RALGPS2: variants seen among roughly 807,000 people sequenced by gnomAD.
The protein encoded by RALGPS2 is Ral GEF with PH domain and SH3 binding motif 2, also known as ras-specific guanine nucleotide-releasing factor RalGPS2.
Under a neutral mutation model 86.8 loss-of-function variants are expected in RALGPS2, and 43 were observed. The ratio of observed to expected loss-of-function variants is 0.50; its 90% CI spans 0.39 to 0.64. The LOEUF is 0.64. Ranked by LOEUF, RALGPS2 falls within the 30% of genes least tolerant of loss-of-function variation. The pLI, the probability that RALGPS2 is intolerant of heterozygous loss-of-function variation, is 0.00. For missense variants in RALGPS2, 536 were observed against 694.6 expected (o/e 0.77, Z 2.57); for synonymous variants, 243 against 231.3 (o/e 1.05, Z -0.46).
At chr1:178,765,252 G>A (rs1049347453) in intron 1 of RALGPS2, among the ~76,000 whole-genome samples, 2 of 151,282 alleles carry the variant, frequency 1.3e-5, no homozygotes, top group Admixed American at 6.6e-5. Context: ...AATATTTCAC[G>A]TGGGTCCTTT....
At chr1:178,839,722 G>T (rs1370089619) in intron 8 of RALGPS2, among the ~76,000 whole-genome samples, 1 of 152,180 alleles carries the variant, frequency 6.6e-6, no homozygotes, top group Non-Finnish European at 1.5e-5. Flanking sequence ...TGGCAAATTG[G>T]ATAAAGAGTG....
At chr1:178,897,830 G>T (rs1660013875) in intron 17 of RALGPS2, 74 bp downstream of exon 17, 1 of 1,241,482 alleles carries the variant, frequency 8.1e-7, no homozygotes, top group Non-Finnish European at 1.1e-6. Flanking sequence ...CAGTCCTAAT[G>T]GGATACAAAG....
intron 17 of RALGPS2, 41 bp downstream of exon 17, chr1:178,897,797 A>G (rs1660012775): frequency 6.5e-7 from 1 of 1,545,494 alleles, no homozygotes. Flanking sequence ...GGTTTCCCAG[A>G]CTGTTCATGG....
chr1:178,820,900 T>A (rs547960981), intron 6 of RALGPS2, among the ~76,000 whole-genome samples: 1 of 152,302 alleles, frequency 6.6e-6, no homozygotes, highest in South Asian at 2.1e-4. Flanking sequence ...TACCTGGCTG[T>A]AGGATTAGGA....
At chr1:178,848,678 AGTCTAACTCT>A (rs1355250232) in intron 8 of RALGPS2, among the ~76,000 whole-genome samples, 3 of 152,138 alleles carry the variant, frequency 2.0e-5, no homozygotes, top group Non-Finnish European at 2.9e-5. Flanking sequence ...TTTGAGAAAG[AGTCTAACTCT>A]GTCCCCCAGG....
chr1:178,905,027 C>T (rs1173214080), intron 18 of RALGPS2, among the ~76,000 whole-genome samples: 2 of 152,026 alleles, frequency 1.3e-5, no homozygotes, highest in African/African-American at 2.4e-5. Flanking sequence ...TGATTTTTTT[C>T]AGCAGTGTTT....
intron 12 of RALGPS2, among the ~76,000 whole-genome samples, 153 bp from the exon 13 acceptor site, chr1:178,885,816 A>C (rs1261385763): frequency 6.6e-6 from 1 of 152,220 alleles, no homozygotes; most frequent in Non-Finnish European, 1.5e-5. Flanking sequence ...GGTTTCCTAA[A>C]ACATTTTCCC....
intron 1 of RALGPS2, among the ~76,000 whole-genome samples, chr1:178,727,274 A>G (rs554610977): frequency 6.6e-6 from 1 of 151,158 alleles, no homozygotes; most frequent in African/African-American, 2.4e-5. Flanking sequence ...TATTTGGCTC[A>G]GGCTGGTCTC....
intron 7 of RALGPS2, among the ~76,000 whole-genome samples, chr1:178,825,841 A>T (rs75235022): frequency 0.025 from 3,763 of 152,290 alleles, 149 homozygotes; most frequent in African/African-American, 0.086. Context: ...TCACCATCAC[A>T]TAAAATTCTG....
intron 8 of RALGPS2, among the ~76,000 whole-genome samples, chr1:178,872,071 C>T (rs1371794513): frequency 2.0e-5 from 3 of 152,192 alleles, no homozygotes; most frequent in Non-Finnish European, 4.4e-5. Context: ...AATGCCAAAG[C>T]ATTATGCCAC....
chr1:178,857,967 G>A (rs1304416548), intron 8 of RALGPS2, among the ~76,000 whole-genome samples: 2 of 152,110 alleles, frequency 1.3e-5, no homozygotes, highest in African/African-American at 4.8e-5. Context: ...GATTTCATAA[G>A]ACTTCAATTA....
At position 178,885,794 on chromosome 1, in the gene RALGPS2, T is replaced by C. The variant is rs1659455452; in HGVS notation, c.1041-175T>C. Reference sequence around the variant, plus strand: ...TTAAAGTATGCTCTAATTATATAGATAGATAGGGCCAGGTTTCCTAAAACA... The same window carrying C: ...TTAAAGTATGCTCTAATTATATAGACAGATAGGGCCAGGTTTCCTAAAACA... On this transcript the variant is annotated intron_variant, in intron 12 of 19. Coordinates refer to ENST00000367635, the MANE Select transcript of RALGPS2 (RefSeq NM_152663.5). 2.0e-5 allele frequency among the ~76,000 whole-genome samples: 3 copies of C among 152,334 alleles called. 1 individual carries two copies. The South Asian group carries it at 6.2e-4, about 32-fold the overall frequency.
intron 8 of RALGPS2, among the ~76,000 whole-genome samples, chr1:178,840,406 G>T (rs1406735021): frequency 6.6e-6 from 1 of 152,114 alleles, no homozygotes; most frequent in African/African-American, 2.4e-5. Context: ...TGACTACTGG[G>T]TACATAACAA....
At chr1:178,814,843 A>G (rs1304998690) in intron 6 of RALGPS2, among the ~76,000 whole-genome samples, 1 of 152,218 alleles carries the variant, frequency 6.6e-6, no homozygotes, top group Non-Finnish European at 1.5e-5. Context: ...GTTGCTCCAC[A>G]TCCATGTCAC....
At chr1:178,766,840 T>G (rs935727409) in intron 1 of RALGPS2, among the ~76,000 whole-genome samples, 7 of 152,226 alleles carry the variant, frequency 4.6e-5, no homozygotes, top group Non-Finnish European at 8.8e-5. Context: ...TGAAATGTTT[T>G]CCAAGTTGCC....
chr1:178,748,508 A>G (rs1651466960), intron 1 of RALGPS2, among the ~76,000 whole-genome samples: 2 of 152,192 alleles, frequency 1.3e-5, no homozygotes, highest in Admixed American at 1.3e-4. Flanking sequence ...CTATTTATTG[A>G]TAGTCACAAC....
chr1:178,818,346 C>T (rs114727734), intron 6 of RALGPS2, among the ~76,000 whole-genome samples: 4 of 151,950 alleles, frequency 2.6e-5, no homozygotes, highest in African/African-American at 4.8e-5. Context: ...GGTAACAGAG[C>T]GAGACCACGT....
At position 178,896,585 on chromosome 1, in the gene RALGPS2, A is replaced by G. The variant is rs535755248; in HGVS notation, c.1432-1079A>G. Among the ~76,000 whole-genome samples the G allele has an allele frequency of 2.0e-5, 3 of 149,154 alleles. No homozygotes were observed. The East Asian group carries it at 5.9e-4, about 29-fold the overall frequency. On this transcript the variant is annotated intron_variant, in intron 16 of 19. Coordinates refer to ENST00000367635, the MANE Select transcript of RALGPS2 (RefSeq NM_152663.5). Reference sequence around the variant, plus strand: ...TGCACCCACTAACTCGTCATCTAGCATTAGGTATATCTCCCGATGCTATCC... The same window carrying G: ...TGCACCCACTAACTCGTCATCTAGCGTTAGGTATATCTCCCGATGCTATCC...
At chr1:178,811,435 T>G (rs1654969898) in intron 6 of RALGPS2, 31 bp downstream of exon 6, 1 of 1,346,186 alleles carries the variant, frequency 7.4e-7, no homozygotes, top group African/African-American at 1.5e-5. Flanking sequence ...TATTTTTGAG[T>G]TCAACCATTC....
Sources: allele counts gnomAD v4.1 joint callset (sites outside exome capture counted in the v4.1 genomes callset), GRCh38; gene constraint gnomAD v4.1.1; transcripts MANE v1.5; gene names NCBI Gene and HGNC (gene_info 2026-07-23, HGNC 2026-07-21).